CLVS1: variants seen among roughly 807,000 people sequenced by gnomAD.
CLVS1 encodes clavesin-1.
Under a neutral mutation model 33.1 loss-of-function variants are expected in CLVS1, and 10 were observed. The ratio of observed to expected loss-of-function variants is 0.30; its 90% CI spans 0.19 to 0.51. The LOEUF is 0.51. Among genes scored for constraint, CLVS1 ranks in the 20% least tolerant of loss-of-function variants. CLVS1 has a pLI of 0.97. For synonymous variants in CLVS1, 163 were observed against 166.1 expected (o/e 0.98, Z 0.14); for missense variants, 343 against 433.4 (o/e 0.79, Z 1.85).
intron 2 of CLVS1, among the ~76,000 whole-genome samples, chr8:61,181,923 G>A (rs184290630): frequency 0.037 from 5,598 of 151,752 alleles, 205 homozygotes; most frequent in South Asian, 0.15. Flanking sequence ...GGATGGTCTC[G>A]ATCTCCTGAC....
chr8:61,333,714 C>T (rs1563500789), intron 2 of CLVS1, among the ~76,000 whole-genome samples: 2 of 152,160 alleles, frequency 1.3e-5, no homozygotes, highest in African/African-American at 4.8e-5. Context: ...TTATTTTTAA[C>T]TTTTATTTTA....
rs563442371 is a variant in CLVS1, at chr8:61,288,335, C to T, written c.-152+197C>T. The T allele has an allele frequency of 8.5e-4, 385 of 451,092 alleles. 1 individual carries two copies. The highest frequency in any genetic ancestry group is 7.3e-3 in the African/African-American group (365 of 50,116). The allele number at this position is 451,092 out of a possible 1,614,324, so 27.9% of individuals were successfully genotyped here. A position where few individuals can be genotyped will look rare whatever the true frequency, so the allele number is the denominator to read the frequency against. On this transcript the variant is annotated intron_variant, in intron 1 of 5. Transcript: ENST00000325897. ...CGCGGTCCATCCTCCTCCCGGCGCC[C>T]GCTCAGCCTGCGCCCCCTTACACAT...
At chr8:61,024,628 C>T in the CLVS1 span, among the ~76,000 whole-genome samples, 1 of 152,136 alleles carries the variant, frequency 6.6e-6, no homozygotes, top group South Asian at 2.1e-4. Context: ...TCCCCCCAGT[C>T]AAGTGTTTCA....
chr8:61,337,203 C>T (rs2129597816), intron 2 of CLVS1, among the ~76,000 whole-genome samples: 2 of 152,266 alleles, frequency 1.3e-5, no homozygotes, highest in South Asian at 4.1e-4. Flanking sequence ...AGGGCAGGTT[C>T]GGCCCTACCT....
chr8:61,102,632 T>A (rs16926861), intron 1 of CLVS1, among the ~76,000 whole-genome samples: 2 of 152,182 alleles, frequency 1.3e-5, no homozygotes, highest in Admixed American at 1.3e-4. Context: ...TATAACTTCT[T>A]GAGAGGGTAC....
chr8:61,020,194 A>C, the CLVS1 span, among the ~76,000 whole-genome samples: 1 of 152,246 alleles, frequency 6.6e-6, no homozygotes, highest in Admixed American at 6.5e-5. Context: ...GCCAAACACC[A>C]GTCTGCTTCT....
At chr8:61,443,693 C>A (rs953098392) in intron 3 of CLVS1, among the ~76,000 whole-genome samples, 1 of 151,980 alleles carries the variant, frequency 6.6e-6, no homozygotes, top group Non-Finnish European at 1.5e-5. Flanking sequence ...CCACTTTATT[C>A]TTTTTCAAAA....
the CLVS1 span, among the ~76,000 whole-genome samples, chr8:60,981,181 A>G: frequency 6.6e-6 from 1 of 152,210 alleles, no homozygotes; most frequent in Non-Finnish European, 1.5e-5. Context: ...TAACACAGGA[A>G]CAAAAAACTT....
chr8:61,314,469 A>G (rs1181430962), intron 2 of CLVS1, among the ~76,000 whole-genome samples: 1 of 152,220 alleles, frequency 6.6e-6, no homozygotes. Flanking sequence ...ATTTTATTTT[A>G]TTTAGGGCTG....
At chr8:61,105,143 T>A (rs1805511528) in intron 1 of CLVS1, among the ~76,000 whole-genome samples, 1 of 152,222 alleles carries the variant, frequency 6.6e-6, no homozygotes. Flanking sequence ...TCTGTTTTAA[T>A]TTAAAAGACT....
At chr8:61,270,801 T>C (rs1809420540) in intron 2 of CLVS1, among the ~76,000 whole-genome samples, 1 of 152,198 alleles carries the variant, frequency 6.6e-6, no homozygotes. Context: ...TTTATTTGCG[T>C]AGAGATGTTT....
chr8:61,470,263 AAG>A (rs1817689006), intron 5 of CLVS1, among the ~76,000 whole-genome samples: 1 of 152,204 alleles, frequency 6.6e-6, no homozygotes, highest in Non-Finnish European at 1.5e-5. Flanking sequence ...TTTAGTTAAT[AAG>A]AGAATGAATG....
chr8:61,255,941 T>C (rs1809070705), intron 2 of CLVS1, among the ~76,000 whole-genome samples: 1 of 152,200 alleles, frequency 6.6e-6, no homozygotes. Flanking sequence ...TTGAGTTTTA[T>C]TTTTTATATG....
At chr8:61,438,218 C>T (rs913616325) in intron 3 of CLVS1, among the ~76,000 whole-genome samples, 1 of 152,096 alleles carries the variant, frequency 6.6e-6, no homozygotes, top group African/African-American at 2.4e-5. Flanking sequence ...GTGTTGGTCC[C>T]CTCCCTGCGT....
At chr8:61,114,033 G>C (rs564634881) in intron 1 of CLVS1, among the ~76,000 whole-genome samples, 1 of 152,356 alleles carries the variant, frequency 6.6e-6, no homozygotes, top group African/African-American at 2.4e-5. Flanking sequence ...ACTCAACTCT[G>C]TCCTTGTCTT....
At chr8:61,382,284 C>T (rs1177746725) in intron 3 of CLVS1, among the ~76,000 whole-genome samples, 3 of 152,200 alleles carry the variant, frequency 2.0e-5, no homozygotes, top group Non-Finnish European at 4.4e-5. Flanking sequence ...ACCAATTCTG[C>T]AGTCCATACA....
At chr8:61,099,060 C>T (rs1805402777) in intron 1 of CLVS1, among the ~76,000 whole-genome samples, 1 of 152,056 alleles carries the variant, frequency 6.6e-6, no homozygotes, top group Admixed American at 6.5e-5. Context: ...TTCCATTTGG[C>T]CAAGCAGAAA....
At chr8:61,476,445 C>T (rs528188175) in intron 5 of CLVS1, among the ~76,000 whole-genome samples, 1 of 152,244 alleles carries the variant, frequency 6.6e-6, no homozygotes, top group African/African-American at 2.4e-5. Context: ...AATGTTCTTC[C>T]ATTTGTTTGT....
chr8:61,103,397 T>A (rs1805484023), intron 1 of CLVS1, among the ~76,000 whole-genome samples: 1 of 152,210 alleles, frequency 6.6e-6, no homozygotes, highest in Non-Finnish European at 1.5e-5. Flanking sequence ...GGGTGCATAT[T>A]TTAAACTGGA....
Sources: allele counts gnomAD v4.1 joint callset (sites outside exome capture counted in the v4.1 genomes callset), GRCh38; gene constraint gnomAD v4.1.1; transcripts MANE v1.5; gene names NCBI Gene and HGNC (gene_info 2026-07-23, HGNC 2026-07-21).